Variants in POGZ observed in about 807,000 individuals in gnomAD.
POGZ encodes the protein pogo transposable element with ZNF domain.
Under a neutral mutation model 134.6 loss-of-function variants are expected in POGZ, and 17 were observed. That is an observed-to-expected ratio of 0.13 (90% CI 0.09 to 0.19). The LOEUF (loss-of-function observed/expected upper bound fraction) is 0.19, where lower values mean the gene tolerates loss of function less well. Among genes scored for constraint, POGZ ranks in the 10% least tolerant of loss-of-function variants. The pLI is 1.00. For missense variants in POGZ, 1,306 were observed against 1,769.7 expected (o/e 0.74, Z 4.70); for synonymous variants, 693 against 657.1 (o/e 1.05, Z -0.84).
intron 10 of POGZ, among the ~76,000 whole-genome samples, chr1:151,416,838 G>C (rs1053728538): frequency 6.6e-6 from 1 of 151,878 alleles, no homozygotes; most frequent in African/African-American, 2.4e-5. Context: ...CACTATATTC[G>C]CCAGGCTGTT....
At chr1:151,447,028 T>C (rs1661375252) in intron 1 of POGZ, among the ~76,000 whole-genome samples, 1 of 152,084 alleles carries the variant, frequency 6.6e-6, no homozygotes, top group Admixed American at 6.5e-5. Flanking sequence ...CTCTAAAACA[T>C]CATATTCATA....
chr1:151,411,373 G>C (rs1654636930), intron 12 of POGZ, among the ~76,000 whole-genome samples: 1 of 152,050 alleles, frequency 6.6e-6, no homozygotes. Context: ...ATAGCTATGT[G>C]ATTTTCTATA....
intron 3 of POGZ, among the ~76,000 whole-genome samples, chr1:151,434,187 G>A (rs1409233672): frequency 2.0e-5 from 3 of 152,192 alleles, no homozygotes; most frequent in African/African-American, 7.2e-5. Context: ...GCATATACCT[G>A]TAATCCCAGC....
chr1:151,416,230 A>AAAAAAG (rs1557886622), intron 10 of POGZ, among the ~76,000 whole-genome samples: 2 of 147,818 alleles, frequency 1.4e-5, no homozygotes, highest in East Asian at 3.9e-4. Context: ...AAAAAAAAAA[A>AAAAAAG]AAAAAGAAAA....
intron 2 of POGZ, 90 bp downstream of exon 2, chr1:151,441,991 C>G (rs1660609126): frequency 1.1e-6 from 1 of 932,870 alleles, no homozygotes. Flanking sequence ...CTGGATTCTT[C>G]AAGTCCTTTT....
rs113875202 is a variant in POGZ, at chr1:151,430,515, C to T, written c.459+151G>A. The T allele has an allele frequency of 3.3e-4, 192 of 581,304 alleles. 1 individual carries two copies. The African/African-American group carries it at 3.4e-3, about 10-fold the overall frequency. 36.0% of individuals were successfully genotyped at this position (581,304 alleles called of 1,614,324 possible). A position where few individuals can be genotyped will look rare whatever the true frequency, so the allele number is the denominator to read the frequency against. On this transcript the variant is annotated intron_variant, in intron 4 of 18. Coordinates refer to ENST00000271715, the MANE Select transcript of POGZ (RefSeq NM_015100.4). Reference sequence around the variant, plus strand: ...ACTATGCTGGGCTTTCCACAGTTGGCATCAAATTACAGAACAGTAAAAGAG... The same window carrying T: ...ACTATGCTGGGCTTTCCACAGTTGGTATCAAATTACAGAACAGTAAAAGAG...
intron 3 of POGZ, among the ~76,000 whole-genome samples, chr1:151,434,959 G>T (rs150624942): frequency 6.7e-6 from 1 of 150,092 alleles, no homozygotes; most frequent in East Asian, 2.0e-4. Flanking sequence ...AGGCTGGAAT[G>T]GCATGACCTC....
At chr1:151,446,755 CAAAAA>C in intron 1 of POGZ, among the ~76,000 whole-genome samples, 1 of 70,712 alleles carries the variant, frequency 1.4e-5, no homozygotes, top group African/African-American at 6.2e-5. Context: ...GACTCCATCT[CAAAAA>C]AAAAAAAAAA....
intron 10 of POGZ, among the ~76,000 whole-genome samples, chr1:151,416,198 G>GA (rs1368604182): frequency 1.7e-5 from 1 of 60,434 alleles, no homozygotes; most frequent in Non-Finnish European, 3.0e-5. Flanking sequence ...TGACAAGAGT[G>GA]AAACTCCATC....
intron 3 of POGZ, 28 bp from the exon 4 acceptor site, chr1:151,430,869 A>AG: frequency 6.8e-7 from 1 of 1,463,202 alleles, no homozygotes; most frequent in Non-Finnish European, 9.1e-7. Flanking sequence ...AAAAAAAAAA[A>AG]GGAATGTTAG....
At chr1:151,410,930 C>T (rs1367510903) in intron 12 of POGZ, among the ~76,000 whole-genome samples, 2 of 152,182 alleles carry the variant, frequency 1.3e-5, no homozygotes, top group Non-Finnish European at 2.9e-5. Context: ...CTGAATATCT[C>T]TCAACTCTAC....
Position 151,408,550 on chromosome 1 carries a change from C to T in POGZ, c.2093G>A (p.Arg698Gln). Residue 698 changes from arginine (R) to glutamine (Q), a missense_variant, in exon 14 of 19, where the codon CGA (arginine) becomes CAA (glutamine). Around this residue, in one of 10 missense-constraint regions of POGZ, gnomAD observed 149 missense variants for 237.5 expected, o/e 0.63. Transcript: ENST00000271715. Reference sequence around the variant, plus strand: ...ATCATTAGAGGATACAGGAACAGTTCGTGGCTGCCCTCGGGAAGCCCGGAT... The same window carrying T: ...ATCATTAGAGGATACAGGAACAGTTTGTGGCTGCCCTCGGGAAGCCCGGAT... ...VTIRASRGQP[R>Q]TVPVSSNDTP... 4 of 1,610,382 alleles carry T rather than the reference C, an allele frequency of 2.5e-6. No homozygotes were observed. Among genetic ancestry groups the T allele is most frequent in the Non-Finnish European group, 2.5e-6 (3 of 1,179,074 alleles).
intron 12 of POGZ, among the ~76,000 whole-genome samples, chr1:151,409,702 C>G (rs1425148630): frequency 6.6e-6 from 1 of 152,124 alleles, no homozygotes; most frequent in African/African-American, 2.4e-5. Flanking sequence ...CTGGACTCCA[C>G]CTCCTGGGCT....
intron 3 of POGZ, among the ~76,000 whole-genome samples, chr1:151,437,136 G>A (rs1310554874): frequency 6.6e-6 from 1 of 151,960 alleles, no homozygotes; most frequent in Non-Finnish European, 1.5e-5. Context: ...AGAGGCTGCA[G>A]TGAGCCGAGA....
In POGZ at chr1:151,424,158, A is replaced by G; in HGVS notation, c.1314T>C (p.Ser438=). The change falls in exon 9 of 19, where the codon TCT becomes TCC. Residue 438 remains serine (S), a synonymous_variant. Transcript: ENST00000271715. ...GCGGTGACAGAGCAGGAATAGGTGT[A>G]GAAGAGGGTGTGGAAGCAACAGGAG... ...KTAPVASTPS[S]TPIPALSPPT... The G allele has an allele frequency of 6.2e-7, 1 of 1,614,184 alleles. No homozygotes were observed. Among genetic ancestry groups the G allele is most frequent in the Non-Finnish European group, 8.5e-7 (1 of 1,180,022 alleles).
intron 1 of POGZ, among the ~76,000 whole-genome samples, chr1:151,446,177 CAAA>C (rs10711955): frequency 4.7e-5 from 6 of 127,068 alleles, no homozygotes; most frequent in Admixed American, 1.7e-4. Flanking sequence ...AATGTGCCCT[CAAA>C]AAAAAAAAAA....
intron 5 of POGZ, among the ~76,000 whole-genome samples, chr1:151,429,124 TAAAAA>T (rs79814829): frequency 7.7e-5 from 11 of 143,500 alleles, no homozygotes; most frequent in African/African-American, 2.9e-4. Context: ...CTCAGAATCT[TAAAAA>T]AAAAAAAAAC....
At chr1:151,419,091 T>G (rs1022307885) in intron 10 of POGZ, among the ~76,000 whole-genome samples, 7 of 149,392 alleles carry the variant, frequency 4.7e-5, no homozygotes, top group African/African-American at 1.7e-4. Flanking sequence ...TGCTGGCTCA[T>G]GCCTATAATC....
intron 3 of POGZ, among the ~76,000 whole-genome samples, chr1:151,436,098 A>G (rs2102337023): frequency 6.6e-6 from 1 of 151,896 alleles, no homozygotes; most frequent in African/African-American, 2.4e-5. Flanking sequence ...CTGGGATTAC[A>G]GGCACATGCC....
Sources: allele counts gnomAD v4.1 joint callset (sites outside exome capture counted in the v4.1 genomes callset), GRCh38; gene constraint gnomAD v4.1.1; regional missense constraint gnomAD v4.1.1; transcripts MANE v1.5; gene names NCBI Gene and HGNC (gene_info 2026-07-23, HGNC 2026-07-21).